Variants in MAP3K5 observed in about 807,000 individuals in gnomAD.
The protein encoded by MAP3K5 is ASK-1.
In MAP3K5, 56 loss-of-function variants were observed where a neutral mutation model predicts 158.7. That is an observed-to-expected ratio of 0.35 (90% CI 0.28 to 0.44). The LOEUF is 0.44. Among genes scored for constraint, MAP3K5 ranks in the 20% least tolerant of loss-of-function variants. The pLI is 1.00. For synonymous variants in MAP3K5, 579 were observed against 601.7 expected, an observed-to-expected ratio of 0.96 and a Z score of 0.55; for missense variants, 1,294 against 1,674.8, an observed-to-expected ratio of 0.77 and a Z score of 3.97.
intron 13 of MAP3K5, among the ~76,000 whole-genome samples, chr6:136,637,622 C>T (rs572867747): frequency 1.3e-5 from 2 of 151,356 alleles, no homozygotes; most frequent in Admixed American, 6.6e-5. Context: ...TAATGCCTCA[C>T]TTCAAATACA....
Position 136,764,177 on chromosome 6 carries a change from T to C in MAP3K5, c.448+27533A>G, listed in dbSNP as rs1783869073. ...AGACCATGGTAGATGTTTCCAAAGA[T>C]GGCCCCCATCAAGTCCTTACCCCTG... On this transcript the variant is annotated intron_variant, in intron 1 of 29. Transcript: ENST00000359015. 2.6e-5 allele frequency among the ~76,000 whole-genome samples: 4 copies of C among 152,310 alleles called. No homozygotes were observed. The South Asian group carries it at 8.3e-4, about 32-fold the overall frequency.
chr6:136,730,522 C>T (rs1217943990), intron 1 of MAP3K5, among the ~76,000 whole-genome samples: 1 of 151,414 alleles, frequency 6.6e-6, no homozygotes, highest in East Asian at 1.9e-4. Context: ...GAGATCGAGA[C>T]CATCCTGGCT....
chr6:136,557,635 G>T lies in MAP3K5; in HGVS notation c.*123C>A. ...TCTGTTTTTTTTTTTTTTAACATGA[G>T]TAAACAAATACTGGATTTAAAGTGC... On this transcript the variant is annotated 3_prime_UTR_variant, in exon 30 of 30. Transcript: ENST00000359015. The T allele has an allele frequency of 1.6e-5, 9 of 555,136 alleles. No individual in the cohort carries two copies. The highest frequency in any genetic ancestry group is 2.4e-5 in the South Asian group (1 of 41,738). The allele number at this position is 555,136 out of a possible 1,614,324, so 34.4% of individuals were successfully genotyped here. A position where few individuals can be genotyped will look rare whatever the true frequency, so the allele number is the denominator to read the frequency against.
intron 9 of MAP3K5, among the ~76,000 whole-genome samples, chr6:136,657,987 T>C (rs1778823352): frequency 6.6e-6 from 1 of 152,198 alleles, no homozygotes; most frequent in Non-Finnish European, 1.5e-5. Context: ...GATTTAAGGA[T>C]TTCAGTGCAG....
chr6:136,707,555 CT>C (rs1413042809), intron 2 of MAP3K5, among the ~76,000 whole-genome samples: 2 of 143,782 alleles, frequency 1.4e-5, no homozygotes, highest in Admixed American at 6.8e-5. Context: ...TAAAGAGGTA[CT>C]TGGGGGGGGG....
chr6:136,604,767 CTTT>C lies in MAP3K5; in HGVS notation c.2679+439_2679+441del, dbSNP rs67820384. On this transcript the variant is annotated intron_variant, in intron 19 of 29. Coordinates refer to ENST00000359015, the MANE Select transcript of MAP3K5 (RefSeq NM_005923.4). ...ATTTACTTAAAATGGTAATTATGCT[CTTT>C]TTTTTTTAAAAAAAATGAAGCCTTC... Among the ~76,000 whole-genome samples, 909 of 151,654 alleles carry C rather than the reference CTTT, an allele frequency of 6.0e-3. 23 individuals are homozygous for C. The East Asian group carries it at 0.083, about 14-fold the overall frequency.
intron 23 of MAP3K5, among the ~76,000 whole-genome samples, chr6:136,590,960 T>C (rs1383583659): frequency 2.6e-5 from 4 of 152,174 alleles, no homozygotes; most frequent in East Asian, 1.9e-4. Context: ...CCATGTGTCA[T>C]GGGAGGGACC....
Position 136,659,745 on chromosome 6 carries a change from C to T in MAP3K5, c.1367-367G>A, listed in dbSNP as rs554805612. Among the ~76,000 whole-genome samples the T allele has an allele frequency of 4.6e-5, 7 of 152,232 alleles. No individual in the cohort carries two copies. The South Asian group carries it at 1.2e-3, about 27-fold the overall frequency. ...AAGGGAATGAGGACTGATAGTTTAA[C>T]GTGTACAGAGTTTTAATTTGGAAGA... On this transcript the variant is annotated intron_variant, in intron 8 of 29. Transcript: ENST00000359015.
intron 2 of MAP3K5, among the ~76,000 whole-genome samples, chr6:136,718,227 TGAGACA>T (rs1341095349): frequency 1.3e-5 from 2 of 152,202 alleles, no homozygotes; most frequent in Admixed American, 6.5e-5. Flanking sequence ...GTGATTTTTT[TGAGACA>T]GGGTCTTGCT....
intron 1 of MAP3K5, among the ~76,000 whole-genome samples, chr6:136,752,656 C>T (rs1562673991): frequency 6.6e-6 from 1 of 152,208 alleles, no homozygotes; most frequent in East Asian, 1.9e-4. Flanking sequence ...AGGTGATCCG[C>T]CCTCCTCGGC....
In MAP3K5 at chr6:136,584,972, C is replaced by A. The variant is rs529949437; in HGVS notation, c.3226-1232G>T. Among the ~76,000 whole-genome samples, 49 of 152,282 alleles carry A rather than the reference C, an allele frequency of 3.2e-4. No individual in the cohort carries two copies. The South Asian group carries it at 9.1e-3, about 28-fold the overall frequency. On this transcript the variant is annotated intron_variant, in intron 23 of 29. Transcript: ENST00000359015. ...ACCAAGAGGGGCTGATCTCAAACTT[C>A]ATTTTTGAAACTACCCCTTACCCAT...
At chr6:136,765,252 A>C (rs1783913437) in intron 1 of MAP3K5, among the ~76,000 whole-genome samples, 1 of 152,192 alleles carries the variant, frequency 6.6e-6, no homozygotes, top group Admixed American at 6.5e-5. Flanking sequence ...CCTTACGTGC[A>C]TGATCTCATT....
chr6:136,710,527 C>G (rs143901804), intron 2 of MAP3K5, among the ~76,000 whole-genome samples: 6 of 152,144 alleles, frequency 3.9e-5, no homozygotes, highest in Non-Finnish European at 8.8e-5. Context: ...CATTTGAAGG[C>G]AAAGACTAAC....
At chr6:136,650,450 G>A (rs144637546) in intron 11 of MAP3K5, among the ~76,000 whole-genome samples, 2 of 152,356 alleles carry the variant, frequency 1.3e-5, no homozygotes, top group African/African-American at 4.8e-5. Flanking sequence ...AAGTGAGACT[G>A]TTTTAAGATC....
intron 1 of MAP3K5, among the ~76,000 whole-genome samples, chr6:136,790,048 C>T (rs1251844394): frequency 6.6e-6 from 1 of 152,178 alleles, no homozygotes; most frequent in Non-Finnish European, 1.5e-5. Context: ...TGGCCACTTA[C>T]TCCCTATGAA....
At chr6:136,651,516 T>C (rs1040404251) in intron 10 of MAP3K5, among the ~76,000 whole-genome samples, 5 of 152,340 alleles carry the variant, frequency 3.3e-5, no homozygotes, top group Admixed American at 2.6e-4. Flanking sequence ...GTTTTTCTGC[T>C]ATCACACTTT....
chr6:136,645,232 C>T (rs1296322634), intron 11 of MAP3K5, among the ~76,000 whole-genome samples: 1 of 152,202 alleles, frequency 6.6e-6, no homozygotes. Flanking sequence ...CATGCTCGGC[C>T]TGTAATTTCT....
intron 7 of MAP3K5, among the ~76,000 whole-genome samples, chr6:136,669,982 T>C (rs1779412931): frequency 6.6e-6 from 1 of 151,712 alleles, no homozygotes; most frequent in Non-Finnish European, 1.5e-5. Context: ...TTACAAACTC[T>C]TAAAAATATA....
Position 136,759,454 on chromosome 6 carries a change from C to CTATATATATATATATATATATATATATA in MAP3K5, c.448+32228_448+32255dup, listed in dbSNP as rs570186848. 1.0e-3 allele frequency among the ~76,000 whole-genome samples: 101 copies of CTATATATATATATATATATATATATATA among 98,070 alleles called. 1 individual carries two copies. The highest frequency in any genetic ancestry group is 1.5e-3 in the African/African-American group (40 of 25,968). The allele number at this position is 98,070 out of a possible 152,430, so 64.3% of individuals were successfully genotyped here. On this transcript the variant is annotated intron_variant, in intron 1 of 29. Transcript: ENST00000359015. The stretch of plus-strand genomic sequence containing the variant: ...TCCTAAAATAACCTTTATACTAAAA[C>CTATATATATATATATATATATATATATA]TATATATATATATATATATATATAT...
Sources: gnomAD v4.1 joint callset for allele counts (sites outside exome capture counted in the v4.1 genomes callset) on GRCh38, gnomAD v4.1.1 for gene constraint, MANE v1.5 for transcripts, NCBI Gene and HGNC (gene_info 2026-07-23, HGNC 2026-07-21) for gene names.